Variants in CDC14A observed in about 807,000 individuals in gnomAD.
The protein encoded by CDC14A is dual specificity protein phosphatase CDC14A.
In CDC14A, 53 loss-of-function variants were observed where a neutral mutation model predicts 74.4. The ratio of observed to expected loss-of-function variants is 0.71; its 90% CI spans 0.57 to 0.89. The LOEUF (loss-of-function observed/expected upper bound fraction) is 0.89, where lower values mean the gene tolerates loss of function less well. CDC14A is among the 40% of genes least tolerant of loss of function. The probability of loss-of-function intolerance (pLI) is 0.00; values close to 1 mark genes in which losing one functional copy is unlikely to be tolerated. For synonymous variants in CDC14A, 247 were observed against 258.4 expected (o/e 0.96, Z 0.43); for missense variants, 646 against 713.7 (o/e 0.91, Z 1.08).
intron 3 of CDC14A, among the ~76,000 whole-genome samples, chr1:100,379,185 A>G (rs894626164): frequency 1.3e-5 from 2 of 152,220 alleles, no homozygotes; most frequent in African/African-American, 4.8e-5. Flanking sequence ...TTCTACTTAT[A>G]GCAGTTGCAG....
At chr1:100,356,858 T>TAAAAAA (rs11448846) in intron 2 of CDC14A, among the ~76,000 whole-genome samples, 3 of 70,790 alleles carry the variant, frequency 4.2e-5, no homozygotes, top group Non-Finnish European at 2.6e-5. Context: ...AGACTCTGTC[T>TAAAAAA]AAAAAAAAAA....
chr1:100,463,265 T>G (rs1267409092), intron 9 of CDC14A, among the ~76,000 whole-genome samples: 1 of 152,118 alleles, frequency 6.6e-6, no homozygotes, highest in Non-Finnish European at 1.5e-5. Context: ...GCCCATCTCT[T>G]CTCCATCCTC....
rs192033729 is a variant in CDC14A, at chr1:100,352,929, C to A, written c.-26C>A. The A allele has an allele frequency of 1.2e-6, 2 of 1,613,598 alleles. No homozygotes were observed. Among genetic ancestry groups the A allele is most frequent in the East Asian group, 2.2e-5 (1 of 44,878 alleles). ...TGACTTCAGCTGGCCACGACCCAGC[C>A]CTCCCCCGTGCGTATCTCGCTTAAG... is the stretch of plus-strand genomic sequence containing the variant. On this transcript the variant is annotated 5_prime_UTR_variant, in exon 1 of 16. Coordinates refer to ENST00000336454, the MANE Select transcript of CDC14A (RefSeq NM_003672.4).
intron 6 of CDC14A, among the ~76,000 whole-genome samples, chr1:100,441,649 A>C (rs1355741234): frequency 4.0e-5 from 6 of 148,294 alleles, no homozygotes; most frequent in Non-Finnish European, 5.9e-5. Context: ...GGATGAACTC[A>C]GTTTTTTTTT....
At chr1:100,465,886 A>G (rs1453225189) in intron 9 of CDC14A, among the ~76,000 whole-genome samples, 4 of 152,208 alleles carry the variant, frequency 2.6e-5, no homozygotes, top group Non-Finnish European at 4.4e-5. Context: ...ACTTGGTATA[A>G]ATAGAACACT....
At chr1:100,365,654 G>C (rs1321060010) in intron 2 of CDC14A, among the ~76,000 whole-genome samples, 1 of 152,166 alleles carries the variant, frequency 6.6e-6, no homozygotes, top group Non-Finnish European at 1.5e-5. Context: ...AAGCTTGTTA[G>C]ATGTGCAGCA....
chr1:100,506,610 A>G (rs10875298), intron 15 of CDC14A, among the ~76,000 whole-genome samples: 133,731 of 152,214 alleles, frequency 0.88, 61,047 homozygotes, highest in Non-Finnish European at 1. Flanking sequence ...TCTGTATAAA[A>G]CCTGTCAGCT....
intron 5 of CDC14A, 146 bp from the exon 6 acceptor site, chr1:100,439,786 A>G (rs1398231575): frequency 3.3e-6 from 2 of 605,500 alleles, no homozygotes; most frequent in East Asian, 5.6e-5. Context: ...GTAGTTAATT[A>G]GTAGGATCTA....
chr1:100,450,843 C>G (rs1212322891), intron 7 of CDC14A, among the ~76,000 whole-genome samples: 1 of 152,120 alleles, frequency 6.6e-6, no homozygotes, highest in Admixed American at 6.5e-5. Context: ...AGAGCAGTCT[C>G]GACTCTAATT....
At chr1:100,446,015 TG>T (rs902645814) in intron 7 of CDC14A, among the ~76,000 whole-genome samples, 2 of 152,232 alleles carry the variant, frequency 1.3e-5, no homozygotes, top group Admixed American at 6.5e-5. Context: ...AGTCATTTCC[TG>T]TCAGATTTCT....
At chr1:100,379,177 C>T (rs1655744556) in intron 3 of CDC14A, among the ~76,000 whole-genome samples, 1 of 152,118 alleles carries the variant, frequency 6.6e-6, no homozygotes, top group Non-Finnish European at 1.5e-5. Context: ...ACTCAGTGTT[C>T]TACTTATAGC....
intron 2 of CDC14A, among the ~76,000 whole-genome samples, chr1:100,376,160 G>C (rs1176502081): frequency 6.6e-6 from 1 of 152,164 alleles, no homozygotes; most frequent in Non-Finnish European, 1.5e-5. Flanking sequence ...CATGGGGTGG[G>C]GGGATGGGGG....
rs1470023004 is a variant in CDC14A, at chr1:100,393,145, C to A, written c.309+2321C>A. The A allele has an allele frequency of 3.3e-6, 5 of 1,516,086 alleles. No individual in the cohort carries two copies. The African/African-American group carries it at 5.5e-5, about 17-fold the overall frequency. The allele number at this position is 1,516,086 out of a possible 1,614,324, so 93.9% of individuals were successfully genotyped here. The stretch of plus-strand genomic sequence containing the variant: ...CCGTTCAGTCTCATAATTCTTACTA[C>A]AGATATCCAATTTGACTCCATTTCT... On this transcript the variant is annotated intron_variant, in intron 4 of 15. Coordinates refer to ENST00000336454, the MANE Select transcript of CDC14A (RefSeq NM_003672.4).
At chr1:100,423,972 T>A in intron 4 of CDC14A, 1 of 422,730 alleles carries the variant, frequency 2.4e-6, no homozygotes, top group Non-Finnish European at 4.4e-6. Flanking sequence ...CAGTGTGCCT[T>A]TGTAAAGAGC....
At position 100,494,823 on chromosome 1, in the gene CDC14A, C is replaced by G; in HGVS notation, c.1143C>G (p.Asn381Lys). The change falls in exon 12 of 16, where the codon AAC becomes AAG. Residue 381 changes from asparagine to lysine, a missense_variant. Asn to Lys is a moderately conservative substitution (Grantham distance 94). Coordinates refer to ENST00000336454, the MANE Select transcript of CDC14A (RefSeq NM_003672.4). ...GAACGTGTATTTTTTTCCAGGATAA[C>G]TTAGAAGATGATGATGTGGAAATGA... Reference protein sequence around the residue: ...TQNMERFGEDNLEDDDVEMKN... With the variant: ...TQNMERFGEDKLEDDDVEMKN... The G allele has an allele frequency of 6.2e-7, 1 of 1,601,380 alleles. No individual in the cohort carries two copies. The highest frequency in any genetic ancestry group is 8.5e-7 in the Non-Finnish European group (1 of 1,169,590).
chr1:100,352,238 C>G (rs1428895476), upstream of CDC14A, among the ~76,000 whole-genome samples: 1 of 152,238 alleles, frequency 6.6e-6, no homozygotes. Context: ...GCCCCGCCCG[C>G]TCCCCTGGGC....
At chr1:100,377,288 C>T (rs1655407798) in intron 2 of CDC14A, among the ~76,000 whole-genome samples, 1 of 152,092 alleles carries the variant, frequency 6.6e-6, no homozygotes, top group Non-Finnish European at 1.5e-5. Flanking sequence ...AGTCTGCCTG[C>T]CCCAGCCTCC....
chr1:100,404,032 T>C (rs1479486415), intron 4 of CDC14A, among the ~76,000 whole-genome samples: 1 of 152,164 alleles, frequency 6.6e-6, no homozygotes, highest in East Asian at 1.9e-4. Flanking sequence ...GTGAGTAAAA[T>C]TGTGGCCTTT....
At chr1:100,412,697 T>TATAG (rs1491207924) in intron 4 of CDC14A, among the ~76,000 whole-genome samples, 2 of 26,410 alleles carry the variant, frequency 7.6e-5, no homozygotes, top group Non-Finnish European at 1.2e-4. Context: ...CTGTATGTTT[T>TATAG]ATATATATAT....
Sources: allele counts gnomAD v4.1 joint callset (sites outside exome capture counted in the v4.1 genomes callset), GRCh38; gene constraint gnomAD v4.1.1; transcripts MANE v1.5; gene names NCBI Gene and HGNC (gene_info 2026-07-23, HGNC 2026-07-21).